NRXN3: variants seen among roughly 807,000 people sequenced by gnomAD.
NRXN3 encodes the protein neurexin 3.
NRXN3 carries 32 observed loss-of-function variants against 137.6 expected under a neutral mutation model. That is an observed-to-expected ratio of 0.23 (90% CI 0.18 to 0.31). The LOEUF (loss-of-function observed/expected upper bound fraction) is 0.31. Among genes scored for constraint, NRXN3 ranks in the 10% least tolerant of loss-of-function variants. The pLI is 1.00. For synonymous variants in NRXN3, 798 were observed against 784.5 expected (o/e 1.02, Z -0.29); for missense variants, 1,574 against 2,062.5 (o/e 0.76, Z 4.59).
intron 15 of NRXN3, among the ~76,000 whole-genome samples, chr14:78,991,527 C>T (rs1345525351): frequency 3.9e-5 from 6 of 152,134 alleles, no homozygotes; most frequent in Non-Finnish European, 2.9e-5. Context: ...TTTCTCAGGG[C>T]AACAGATTGA....
intron 10 of NRXN3, among the ~76,000 whole-genome samples, chr14:78,945,105 C>G (rs1597724453): frequency 6.6e-6 from 1 of 152,150 alleles, no homozygotes; most frequent in South Asian, 2.1e-4. Context: ...GTATCACAAA[C>G]AGAAGTATTT....
At chr14:79,415,659 A>C (rs368443684) in intron 15 of NRXN3, among the ~76,000 whole-genome samples, 154 of 152,128 alleles carry the variant, frequency 1.0e-3, no homozygotes, top group African/African-American at 3.5e-3. Context: ...GCCTCTATAC[A>C]CCCATGCCTG....
chr14:79,490,945 A>G (rs540477321), intron 16 of NRXN3, among the ~76,000 whole-genome samples: 2 of 152,150 alleles, frequency 1.3e-5, no homozygotes, highest in African/African-American at 2.4e-5. Context: ...TACACCTACT[A>G]TGTACCCACA....
chr14:79,719,622 T>C lies in NRXN3; in HGVS notation c.4014+21685T>C, dbSNP rs562130575. On this transcript the variant is annotated intron_variant, in intron 19 of 20. Coordinates refer to ENST00000335750, the MANE Select transcript of NRXN3 (RefSeq NM_001330195.2). ...TATACGTATTGTAGAAAAAAATCAC[T>C]GTGAAGTAAATTCCACCCGTGATCC... Among the ~76,000 whole-genome samples the C allele has an allele frequency of 3.3e-5, 5 of 152,206 alleles. No homozygotes were observed. The South Asian group carries it at 1.0e-3, about 32-fold the overall frequency.
chr14:78,781,269 G>A (rs2098768437), intron 8 of NRXN3, among the ~76,000 whole-genome samples: 1 of 152,074 alleles, frequency 6.6e-6, no homozygotes, highest in African/African-American at 2.4e-5. Context: ...AACATGCATG[G>A]ACATGACGAA....
At chr14:79,520,350 G>A (rs2097051316) in intron 16 of NRXN3, among the ~76,000 whole-genome samples, 1 of 151,936 alleles carries the variant, frequency 6.6e-6, no homozygotes, top group Admixed American at 6.6e-5. Flanking sequence ...GAACATACAG[G>A]TTTGTTACAT....
intron 4 of NRXN3, among the ~76,000 whole-genome samples, chr14:78,628,075 T>A (rs1037564928): frequency 6.6e-6 from 1 of 151,582 alleles, no homozygotes; most frequent in African/African-American, 2.4e-5. Flanking sequence ...AGAGTTCTTT[T>A]TTTTTTTTTT....
chr14:78,975,877 C>T (rs547287909), intron 14 of NRXN3, among the ~76,000 whole-genome samples: 127 of 152,270 alleles, frequency 8.3e-4, no homozygotes, highest in South Asian at 2.1e-3. Context: ...TACCGACTTT[C>T]CTGGTTTCAG....
chr14:79,280,072 A>T (rs1042735324), intron 15 of NRXN3: 3 of 1,359,580 alleles, frequency 2.2e-6, no homozygotes, highest in East Asian at 2.8e-5. Context: ...CAGCTCCGGG[A>T]AAGAGAAGGG....
intron 15 of NRXN3, among the ~76,000 whole-genome samples, chr14:79,446,468 A>G (rs994459214): frequency 6.6e-5 from 10 of 152,094 alleles, no homozygotes; most frequent in Admixed American, 6.6e-5. Context: ...TATTTGTTCT[A>G]TGTATTCATT....
intron 19 of NRXN3, among the ~76,000 whole-genome samples, chr14:79,733,415 C>T (rs1426862551): frequency 6.6e-6 from 1 of 152,072 alleles, no homozygotes; most frequent in Non-Finnish European, 1.5e-5. Context: ...TAATAATGTT[C>T]TTTGGTTATC....
At chr14:78,232,226 GA>G in intron 1 of NRXN3, among the ~76,000 whole-genome samples, 1 of 152,346 alleles carries the variant, frequency 6.6e-6, no homozygotes, top group South Asian at 2.1e-4. Context: ...AATCTGTCCA[GA>G]GCCTTTGCCA....
intron 16 of NRXN3, among the ~76,000 whole-genome samples, chr14:79,601,330 C>T (rs180930694): frequency 4.6e-5 from 7 of 152,168 alleles, no homozygotes; most frequent in African/African-American, 1.4e-4. Flanking sequence ...CAGGAGCCAC[C>T]GTGCCCAGCC....
intron 10 of NRXN3, among the ~76,000 whole-genome samples, chr14:78,869,274 T>G (rs972234418): frequency 1.3e-5 from 2 of 152,232 alleles, no homozygotes; most frequent in African/African-American, 2.4e-5. Flanking sequence ...CATGTCTTTC[T>G]CCACACGATC....
chr14:79,741,310 G>C (rs2098962250), intron 19 of NRXN3, among the ~76,000 whole-genome samples: 2 of 152,130 alleles, frequency 1.3e-5, no homozygotes, highest in South Asian at 4.2e-4. Context: ...CAAAAACAGA[G>C]CACAAACAAT....
intron 15 of NRXN3, among the ~76,000 whole-genome samples, chr14:79,131,745 GC>G (rs1284541959): frequency 2.6e-5 from 4 of 152,218 alleles, no homozygotes; most frequent in Non-Finnish European, 5.9e-5. Context: ...ACCTAAGCAA[GC>G]CTGGGCAATG....
At chr14:78,450,284 A>AT (rs1355484930) in intron 4 of NRXN3, among the ~76,000 whole-genome samples, 8 of 152,210 alleles carry the variant, frequency 5.3e-5, no homozygotes, top group Non-Finnish European at 1.2e-4. Flanking sequence ...CTTCAGTGAG[A>AT]TTTTTAACTT....
Position 78,673,106 on chromosome 14 carries a change from C to A in NRXN3, c.1221+21780C>A, listed in dbSNP as rs142480694. Reference sequence around the variant, plus strand: ...TCAAATGTAGTAGAATGCCGATTATCCTTATGCAAATTTGGATTTACTGCA... The same window carrying A: ...TCAAATGTAGTAGAATGCCGATTATACTTATGCAAATTTGGATTTACTGCA... On this transcript the variant is annotated intron_variant, in intron 6 of 20. Coordinates refer to ENST00000335750, the MANE Select transcript of NRXN3 (RefSeq NM_001330195.2). 4.6e-5 allele frequency among the ~76,000 whole-genome samples: 7 copies of A among 152,298 alleles called. No individual in the cohort carries two copies. In the East Asian group the frequency reaches 1.4e-3, roughly 29 times the overall value.
chr14:79,744,486 A>T (rs1181863250), intron 19 of NRXN3, among the ~76,000 whole-genome samples: 1 of 152,226 alleles, frequency 6.6e-6, no homozygotes, highest in Non-Finnish European at 1.5e-5. Flanking sequence ...AGTGTGAGCC[A>T]CACAGATAGA....
Sources: allele counts gnomAD v4.1 joint callset (sites outside exome capture counted in the v4.1 genomes callset), GRCh38; gene constraint gnomAD v4.1.1; transcripts MANE v1.5; gene names NCBI Gene and HGNC (gene_info 2026-07-23, HGNC 2026-07-21).